TBXAS1: variants seen among roughly 807,000 people sequenced by gnomAD.
The protein encoded by TBXAS1 is thromboxane-A synthase.
In TBXAS1, 48 loss-of-function variants were observed where a neutral mutation model predicts 60.7. That is an observed-to-expected ratio of 0.79 (90% CI 0.63 to 1.01). The LOEUF is 1.01. TBXAS1 is among the 50% of genes least tolerant of loss of function. The pLI, the probability that TBXAS1 is intolerant of heterozygous loss-of-function variation, is 0.00. For synonymous variants in TBXAS1, 287 were observed against 269.7 expected (o/e 1.06, Z -0.63); for missense variants, 685 against 686.3 (o/e 1.00, Z 0.02).
chr7:139,831,328 C>T (rs549352207), intron 1 of TBXAS1, among the ~76,000 whole-genome samples: 27 of 152,110 alleles, frequency 1.8e-4, no homozygotes, highest in Non-Finnish European at 3.8e-4. Flanking sequence ...GGGAACCACC[C>T]TTGGGCTTTC....
At chr7:139,982,459 C>T (rs956064108) in intron 9 of TBXAS1, among the ~76,000 whole-genome samples, 1 of 152,184 alleles carries the variant, frequency 6.6e-6, no homozygotes, top group Non-Finnish European at 1.5e-5. Flanking sequence ...AAGGGGGAAA[C>T]TGAGGCAGGC....
At chr7:139,972,053 G>A (rs1436717097) in intron 9 of TBXAS1, among the ~76,000 whole-genome samples, 2 of 152,162 alleles carry the variant, frequency 1.3e-5, no homozygotes, top group Non-Finnish European at 2.9e-5. Flanking sequence ...GTGAAGAGCA[G>A]GACAGACTTG....
At position 139,852,485 on chromosome 7, in the gene TBXAS1, T is replaced by C. The variant is rs1800287271; in HGVS notation, c.90-19750T>C. Among the ~76,000 whole-genome samples, 1 of 152,156 alleles carries C rather than the reference T, an allele frequency of 6.6e-6. No homozygotes were observed. Among genetic ancestry groups the C allele is most frequent in the Non-Finnish European group, 1.5e-5 (1 of 68,028 alleles). ...ATTCAGGGCTCTTGGACTAGAACTC[T>C]TGCCTTTTGACTTTGTCCTGTACAA... On this transcript the variant is annotated intron_variant, in intron 1 of 12. Coordinates refer to ENST00000448866, the MANE Select transcript of TBXAS1 (RefSeq NM_001061.7). This position sits in a 1 kb window ranked among gnomAD's most constrained non-coding sequence, Gnocchi z 4.4.
chr7:139,966,412 GA>G (rs143647226), intron 9 of TBXAS1, among the ~76,000 whole-genome samples: 2,174 of 152,302 alleles, frequency 0.014, 54 homozygotes, highest in African/African-American at 0.05. Context: ...GAAAACTCCA[GA>G]GGGCAGAGCT....
At chr7:140,006,889 C>G (rs1186402691) in intron 9 of TBXAS1, among the ~76,000 whole-genome samples, 1 of 152,224 alleles carries the variant, frequency 6.6e-6, no homozygotes, top group East Asian at 1.9e-4. Context: ...GAGCCCCAGG[C>G]TAGCACCGTG....
intron 4 of TBXAS1, among the ~76,000 whole-genome samples, chr7:139,799,508 C>G (rs1233553054): frequency 6.6e-6 from 1 of 151,994 alleles, no homozygotes; most frequent in African/African-American, 2.4e-5. Context: ...AGGACTACAC[C>G]ATGCCTGGCC....
At chr7:139,953,069 G>C (rs1372493604) in intron 5 of TBXAS1, among the ~76,000 whole-genome samples, 2 of 152,160 alleles carry the variant, frequency 1.3e-5, no homozygotes, top group East Asian at 3.9e-4. Flanking sequence ...TCTCAGTTTT[G>C]TCTAAGCACT....
chr7:139,820,003 C>T (rs1798253588), intron 4 of TBXAS1, among the ~76,000 whole-genome samples: 1 of 151,942 alleles, frequency 6.6e-6, no homozygotes, highest in Non-Finnish European at 1.5e-5. Context: ...TGACAACTTG[C>T]CTGAAATGCC....
At chr7:139,924,687 T>C (rs1171206298) in intron 4 of TBXAS1, among the ~76,000 whole-genome samples, 3 of 152,200 alleles carry the variant, frequency 2.0e-5, no homozygotes, top group African/African-American at 7.2e-5. Context: ...CATTTTTGCG[T>C]TGGTTGCCTG....
At chr7:139,958,699 G>T (rs1161721469) in intron 8 of TBXAS1, among the ~76,000 whole-genome samples, 2 of 152,342 alleles carry the variant, frequency 1.3e-5, no homozygotes, top group Non-Finnish European at 2.9e-5. Context: ...GCCGCGTCCT[G>T]TGCAGCTTCA....
intron 2 of TBXAS1, chr7:139,782,632 C>T (rs1487565835): frequency 6.6e-6 from 1 of 152,192 alleles, no homozygotes; most frequent in Non-Finnish European, 1.5e-5. Context: ...ATCTTATTCT[C>T]ACTTGGTGTG....
chr7:139,866,838 T>G (rs1801453017), intron 1 of TBXAS1, among the ~76,000 whole-genome samples: 1 of 151,618 alleles, frequency 6.6e-6, no homozygotes. Flanking sequence ...AAATACACAG[T>G]GAAAAAAACC....
At chr7:139,898,003 A>G (rs1224433095) in intron 3 of TBXAS1, among the ~76,000 whole-genome samples, 1 of 152,184 alleles carries the variant, frequency 6.6e-6, no homozygotes, top group Non-Finnish European at 1.5e-5. Flanking sequence ...GCAGGGACAG[A>G]GCCCCAGGAC....
At chr7:139,884,209 A>G (rs984172023) in intron 3 of TBXAS1, among the ~76,000 whole-genome samples, 1 of 152,248 alleles carries the variant, frequency 6.6e-6, no homozygotes, top group Non-Finnish European at 1.5e-5. Flanking sequence ...CCCGCACCTG[A>G]CTGTGGGCCC....
chr7:139,918,473 C>T (rs565412916), intron 4 of TBXAS1, among the ~76,000 whole-genome samples: 2 of 152,264 alleles, frequency 1.3e-5, no homozygotes, highest in South Asian at 2.1e-4. Flanking sequence ...TCAGGAACAC[C>T]CTTGTCCTTC....
At chr7:140,009,663 G>GCCCCACAC (rs1814397533) in intron 10 of TBXAS1, among the ~76,000 whole-genome samples, 1 of 62,562 alleles carries the variant, frequency 1.6e-5, no homozygotes, top group African/African-American at 6.7e-5. Context: ...CCCCACACCC[G>GCCCCACAC]CTCCACACCT....
rs140877075 is a variant in TBXAS1 at position 139,895,665 on chromosome 7, C to T, written c.237-15560C>T. 6.9e-4 allele frequency among the ~76,000 whole-genome samples: 105 copies of T among 152,322 alleles called. 4 individuals are homozygous for T. The East Asian group carries it at 0.012, about 18-fold the overall frequency. On this transcript the variant is annotated intron_variant, in intron 3 of 12. Coordinates refer to ENST00000448866, the MANE Select transcript of TBXAS1 (RefSeq NM_001061.7). ...GTCCTTCCCAGAAGGGGGATCTGGA[C>T]GACATGTCTTGATGTCATCACATCA... is the stretch of plus-strand genomic sequence containing the variant.
intron 4 of TBXAS1, among the ~76,000 whole-genome samples, chr7:139,923,076 G>C (rs1806600588): frequency 6.6e-6 from 1 of 152,138 alleles, no homozygotes; most frequent in Non-Finnish European, 1.5e-5. Flanking sequence ...TATAATTTTG[G>C]GAAGGCCAAG....
chr7:139,953,300 C>A, intron 5 of TBXAS1, 68 bp from the exon 6 acceptor site: 1 of 1,322,034 alleles, frequency 7.6e-7, no homozygotes, highest in South Asian at 1.2e-5. Flanking sequence ...ATAACCTCTT[C>A]ATCTGCAGCC....
Sources: allele counts gnomAD v4.1 joint callset (sites outside exome capture counted in the v4.1 genomes callset), GRCh38; gene constraint gnomAD v4.1.1; non-coding constraint Gnocchi (gnomAD v3.1); transcripts MANE v1.5; gene names NCBI Gene and HGNC (gene_info 2026-07-23, HGNC 2026-07-21).